FRAS1: variants seen among roughly 807,000 people sequenced by gnomAD.
The protein encoded by FRAS1 is Fraser extracellular matrix complex subunit 1, also known as extracellular matrix organizing protein FRAS1.
Under a neutral mutation model 435.2 loss-of-function variants are expected in FRAS1, and 290 were observed. The observed-to-expected ratio is 0.67, with a 90% confidence interval of 0.61 to 0.73. FRAS1 has a LOEUF of 0.73. Ranked by LOEUF, FRAS1 falls within the 30% of genes least tolerant of loss-of-function variation. The probability of loss-of-function intolerance (pLI) is 0.00; values close to 1 mark genes in which losing one functional copy is unlikely to be tolerated. For synonymous variants in FRAS1, 1,800 were observed against 1,851.0 expected, an observed-to-expected ratio of 0.97 and a Z score of 0.71; for missense variants, 4,860 against 5,001.5, an observed-to-expected ratio of 0.97 and a Z score of 0.85.
rs748866013 is a variant in FRAS1, at chr4:78,481,828, G to T, written c.8468G>T (p.Arg2823Leu). Residue 2823 changes from arginine to leucine, a missense_variant, in exon 57 of 74, where the codon CGC becomes CTC. By Grantham distance (102) the Arg-to-Leu change is moderately radical. Transcript: ENST00000512123. ...DAGTVKIPVI[R>L]HGTDLSTFAS... ...GGCACAGTAAAGATTCCAGTTATCC[G>T]CCATGGTACTGACCTCTCTACTTTC... The T allele has an allele frequency of 6.2e-7, 1 of 1,613,838 alleles. No homozygotes were observed. Among genetic ancestry groups the T allele is most frequent in the Non-Finnish European group, 8.5e-7 (1 of 1,179,812 alleles).
At chr4:78,449,207 C>G (rs903264077) in intron 44 of FRAS1, among the ~76,000 whole-genome samples, 1 of 152,182 alleles carries the variant, frequency 6.6e-6, no homozygotes, top group African/African-American at 2.4e-5. Context: ...TGCATCGGCT[C>G]CCTCTGCCAT....
chr4:78,397,634 T>A (rs986630412), intron 29 of FRAS1, among the ~76,000 whole-genome samples: 1 of 151,712 alleles, frequency 6.6e-6, no homozygotes, highest in African/African-American at 2.4e-5. Flanking sequence ...CATTAGCCAG[T>A]TAGTATGATC....
At chr4:78,317,228 A>T in intron 16 of FRAS1, 140 bp from the exon 17 acceptor site, 1 of 911,398 alleles carries the variant, frequency 1.1e-6, no homozygotes. Context: ...CAGTGTAACC[A>T]CCTCCTAACA....
intron 29 of FRAS1, among the ~76,000 whole-genome samples, chr4:78,393,151 T>C (rs1732518660): frequency 6.6e-6 from 1 of 151,980 alleles, no homozygotes; most frequent in East Asian, 1.9e-4. Context: ...GTCTTTGACA[T>C]TTTCCTAACC....
At chr4:78,144,863 A>G (rs1720352698) in intron 2 of FRAS1, among the ~76,000 whole-genome samples, 1 of 152,200 alleles carries the variant, frequency 6.6e-6, no homozygotes, top group South Asian at 2.1e-4. Context: ...TGTACCAGTT[A>G]CCAAGTGGAT....
intron 2 of FRAS1, among the ~76,000 whole-genome samples, chr4:78,116,986 G>A (rs1349735024): frequency 2.0e-5 from 3 of 152,300 alleles, no homozygotes; most frequent in Middle Eastern, 6.8e-3. Flanking sequence ...TCCTTTCCAT[G>A]TTTAGTGCTT....
intron 19 of FRAS1, among the ~76,000 whole-genome samples, chr4:78,334,138 G>GAT (rs1440544854): frequency 6.6e-6 from 1 of 152,116 alleles, no homozygotes; most frequent in African/African-American, 2.4e-5. Context: ...TTATTAAAAA[G>GAT]ATATGTGCTC....
rs977138612 is a variant in FRAS1 at position 78,543,305 on chromosome 4, G to C, written c.*2181G>C. On this transcript the variant is annotated 3_prime_UTR_variant, in exon 74 of 74. Coordinates refer to ENST00000512123, the MANE Select transcript of FRAS1 (RefSeq NM_025074.7). Reference sequence around the variant, plus strand: ...TCCATTTGGCCCATTATTTGTAACTGTGTAACTGCTCCAAGTGCCAGAATG... The same window carrying C: ...TCCATTTGGCCCATTATTTGTAACTCTGTAACTGCTCCAAGTGCCAGAATG... 6.6e-6 allele frequency: 1 copy of C among 152,250 alleles called. No individual in the cohort carries two copies. Among genetic ancestry groups the C allele is most frequent in the Non-Finnish European group, 1.5e-5 (1 of 68,064 alleles). The allele number at this position is 152,250 out of a possible 1,614,324, so 9.4% of individuals were successfully genotyped here.
At chr4:78,239,204 C>G (rs947341675) in intron 3 of FRAS1, among the ~76,000 whole-genome samples, 11 of 152,094 alleles carry the variant, frequency 7.2e-5, no homozygotes, top group Admixed American at 2.0e-4. Flanking sequence ...CTAATTTGCT[C>G]TCCTAATTTT....
chr4:78,158,545 T>TG (rs1346020134), intron 2 of FRAS1, among the ~76,000 whole-genome samples: 3 of 152,054 alleles, frequency 2.0e-5, no homozygotes, highest in African/African-American at 7.2e-5. Context: ...TGATATATGC[T>TG]GAAAAAAAAG....
chr4:78,475,014 C>T (rs1325986396), intron 53 of FRAS1, among the ~76,000 whole-genome samples: 1 of 152,210 alleles, frequency 6.6e-6, no homozygotes, highest in African/African-American at 2.4e-5. Context: ...TCCTGGAGAT[C>T]TGGTCCAGTC....
At chr4:78,374,001 C>A in intron 24 of FRAS1, 110 bp from the exon 25 acceptor site, 2 of 1,020,312 alleles carry the variant, frequency 2.0e-6, no homozygotes, top group Non-Finnish European at 2.8e-6. Context: ...GTCCTTTGCC[C>A]AGTACACTAG....
chr4:78,479,553 G>A lies in FRAS1; in HGVS notation c.8278G>A (p.Asp2760Asn). The change falls in exon 56 of 74, where the codon GAC becomes AAC. Residue 2760 changes from aspartate (D) to asparagine (N), a missense_variant. Coordinates refer to ENST00000512123, the MANE Select transcript of FRAS1 (RefSeq NM_025074.7). Reference protein sequence around the residue: ...MSTCDVMLIDDSEYEEEEEFE... With the variant: ...MSTCDVMLIDNSEYEEEEEFE... ...CACCTGTGATGTCATGCTTATTGAT[G>A]ACAGCGAGTATGAAGAGGAAGAAGA... The A allele has an allele frequency of 1.7e-5, 28 of 1,613,974 alleles. No individual in the cohort carries two copies. Among genetic ancestry groups the A allele is most frequent in the Non-Finnish European group, 2.3e-5 (27 of 1,179,854 alleles).
intron 61 of FRAS1, among the ~76,000 whole-genome samples, chr4:78,501,100 G>A (rs1308432944): frequency 6.6e-6 from 1 of 152,088 alleles, no homozygotes; most frequent in Non-Finnish European, 1.5e-5. Flanking sequence ...ATTCCTCCCA[G>A]TGCTATCCCT....
chr4:78,344,538 T>C (rs1018959679), intron 20 of FRAS1, among the ~76,000 whole-genome samples: 1 of 139,838 alleles, frequency 7.2e-6, no homozygotes, highest in African/African-American at 3.1e-5. Flanking sequence ...CATTTTGTAC[T>C]CCATGATGCA....
intron 50 of FRAS1, among the ~76,000 whole-genome samples, chr4:78,469,314 A>T (rs762325963): frequency 6.6e-6 from 1 of 152,146 alleles, no homozygotes; most frequent in African/African-American, 2.4e-5. Flanking sequence ...TGCTAGATCC[A>T]ATTTATGATG....
At chr4:78,412,537 A>G (rs1172959702) in intron 31 of FRAS1, among the ~76,000 whole-genome samples, 1 of 152,252 alleles carries the variant, frequency 6.6e-6, no homozygotes, top group Non-Finnish European at 1.5e-5. Context: ...ATCATATTAC[A>G]TACTCATAAT....
chr4:78,104,097 C>T (rs1309538145), intron 2 of FRAS1, among the ~76,000 whole-genome samples: 2 of 152,196 alleles, frequency 1.3e-5, no homozygotes, highest in East Asian at 3.8e-4. Flanking sequence ...GAAACTGTGA[C>T]TGTTTTATTT....
intron 2 of FRAS1, among the ~76,000 whole-genome samples, chr4:78,174,280 TTAA>T (rs1407379971): frequency 1.3e-5 from 2 of 152,228 alleles, no homozygotes; most frequent in Admixed American, 1.3e-4. Flanking sequence ...AACCTTACTA[TTAA>T]TTTAGCGCTT....
Sources: gnomAD v4.1 joint callset for allele counts (sites outside exome capture counted in the v4.1 genomes callset) on GRCh38, gnomAD v4.1.1 for gene constraint, MANE v1.5 for transcripts, NCBI Gene and HGNC (gene_info 2026-07-23, HGNC 2026-07-21) for gene names.